Variants in SELENOS observed in about 807,000 individuals in gnomAD.
SELENOS encodes the protein selenoprotein S, also known as VCP interacting membrane selenoprotein.
Under a neutral mutation model 30.2 loss-of-function variants are expected in SELENOS, and 37 were observed. The ratio of observed to expected loss-of-function variants is 1.23; its 90% CI spans 0.94 to 1.61. The LOEUF is 1.61. Ranked by LOEUF, SELENOS falls within the 40% of genes most tolerant of loss-of-function variation. The pLI is 0.00. For synonymous variants in SELENOS, 119 were observed against 91.6 expected (o/e 1.30, Z -1.71); for missense variants, 289 against 231.8 (o/e 1.25, Z -1.60).
intron 1 of SELENOS, chr15:101,276,905 AGTGTGGAGG>A: frequency 1.8e-6 from 1 of 556,378 alleles, no homozygotes; most frequent in South Asian, 2.2e-5. Context: ...GGGCAGTTAG[AGTGTGGAGG>A]GCACAGCAAC....
chr15:101,274,215 G>T, intron 5 of SELENOS: 1 of 637,296 alleles, frequency 1.6e-6, no homozygotes, highest in South Asian at 1.9e-5. Flanking sequence ...GAAGGATCAA[G>T]TTAGAATACT....
chr15:101,272,971 A>C, intron 5 of SELENOS, 115 bp from the exon 6 acceptor site: 1 of 849,282 alleles, frequency 1.2e-6, no homozygotes, highest in Admixed American at 3.0e-5. Flanking sequence ...AAAGATACAG[A>C]TCCTAAGGGA....
chr15:101,272,961 A>T, intron 5 of SELENOS, 105 bp from the exon 6 acceptor site: 1 of 997,402 alleles, frequency 1.0e-6, no homozygotes. Flanking sequence ...AAAGCACTGC[A>T]AAGATACAGA....
intron 5 of SELENOS, among the ~76,000 whole-genome samples, chr15:101,273,317 C>T (rs1052628489): frequency 6.6e-6 from 1 of 152,198 alleles, no homozygotes; most frequent in African/African-American, 2.4e-5. Flanking sequence ...CACCCCACTC[C>T]CTCATGAGCT....
chr15:101,277,225 C>G, intron 1 of SELENOS, 117 bp downstream of exon 1: 1 of 1,493,974 alleles, frequency 6.7e-7, no homozygotes, highest in South Asian at 1.2e-5. Flanking sequence ...CGCCAACGCC[C>G]GACCGTTCCC....
At chr15:101,271,489 T>A (rs1293925583), downstream of SELENOS, 1 of 152,228 alleles carries the variant, frequency 6.6e-6, no homozygotes, top group Non-Finnish European at 1.5e-5. Context: ...ACTCAAAGAC[T>A]TAAGACTATG....
chr15:101,274,229 A>C (rs920130114), intron 5 of SELENOS, 191 bp downstream of exon 5: 7 of 663,272 alleles, frequency 1.1e-5, no homozygotes, highest in Non-Finnish European at 1.8e-5. Context: ...GAATACTATA[A>C]GTACAATCCT....
intron 1 of SELENOS, 135 bp from the exon 2 acceptor site, chr15:101,276,810 G>A (rs1043487344): frequency 9.4e-7 from 1 of 1,059,318 alleles, no homozygotes; most frequent in East Asian, 2.6e-5. Flanking sequence ...AGCCTCCTAA[G>A]TAGATCGTTA....
At chr15:101,272,888 T>C in intron 5 of SELENOS, 32 bp from the exon 6 acceptor site, 2 of 1,570,642 alleles carry the variant, frequency 1.3e-6, no homozygotes, top group Non-Finnish European at 1.7e-6. Context: ...ACAACAGTAT[T>C]GATAAAAATC....
Position 101,277,210 on chromosome 15 carries a change from G to A in SELENOS, c.76+132C>T. On this transcript the variant is annotated intron_variant, in intron 1 of 5. Coordinates refer to ENST00000526049, the MANE Select transcript of SELENOS (RefSeq NM_018445.6). Reference sequence around the variant, plus strand: ...TCCGGGCCTGCTGCCCAAGGTCCGCGTAAGCGCCAACGCCCGACCGTTCCC... The same window carrying A: ...TCCGGGCCTGCTGCCCAAGGTCCGCATAAGCGCCAACGCCCGACCGTTCCC... 5 of 1,444,236 alleles carry A rather than the reference G, an allele frequency of 3.5e-6. No individual in the cohort carries two copies. In the South Asian group the frequency reaches 4.9e-5, roughly 14 times the overall value. The allele number at this position is 1,444,236 out of a possible 1,614,324, so 89.5% of individuals were successfully genotyped here. A position where few individuals can be genotyped will look rare whatever the true frequency, so the allele number is the denominator to read the frequency against.
intron 2 of SELENOS, among the ~76,000 whole-genome samples, chr15:101,275,750 A>C (rs1054604114): frequency 1.3e-5 from 2 of 152,188 alleles, no homozygotes; most frequent in Admixed American, 6.5e-5. Context: ...AAAGTTTTCT[A>C]AATCATTATC....
chr15:101,275,480 A>G (rs2039315616), intron 2 of SELENOS, 119 bp from the exon 3 acceptor site: 1 of 844,368 alleles, frequency 1.2e-6, no homozygotes, highest in Non-Finnish European at 1.7e-6. Flanking sequence ...GAAACAACAT[A>G]TTTTTACATA....
downstream of SELENOS, chr15:101,271,721 A>G (rs563412896): frequency 2.6e-5 from 4 of 152,084 alleles, no homozygotes; most frequent in South Asian, 8.3e-4. Context: ...ATTACCCCCT[A>G]TTCTGAAGGT....
At chr15:101,276,954 C>G (rs537507676) in intron 1 of SELENOS, 1 of 525,952 alleles carries the variant, frequency 1.9e-6, no homozygotes, top group Non-Finnish European at 3.4e-6. Flanking sequence ...AGCAACTAAT[C>G]TGAATCAGGA....
In SELENOS at chr15:101,277,460, C is replaced by A; in HGVS notation, c.-43G>T. ...CCGCCCAGCCCTGCCGCCGCGCCTC[C>A]AGCCGGGCGCTTCCGGTGCGCTCCT... On this transcript the variant is annotated 5_prime_UTR_variant, in exon 1 of 6. Transcript: ENST00000526049. 2.1e-6 allele frequency: 3 copies of A among 1,405,730 alleles called. No homozygotes were observed. The highest frequency in any genetic ancestry group is 2.8e-6 in the Non-Finnish European group (3 of 1,090,132). 87.1% of individuals were successfully genotyped at this position (1,405,730 alleles called of 1,614,324 possible).
At position 101,274,576 on chromosome 15, in the gene SELENOS, C is replaced by T. The variant is rs2291250; in HGVS notation, c.408+16G>A. The T allele has an allele frequency of 4.0e-4, 645 of 1,612,926 alleles. 7 individuals carry two copies. The East Asian group carries it at 9.4e-3, about 23-fold the overall frequency. ...CTTCATCTACCGCATGCCAGCCGGC[C>T]GAGGTCTCCAGTCACCTGGGGCTTC... is the stretch of plus-strand genomic sequence containing the variant. On this transcript the variant is annotated intron_variant, in intron 4 of 5. Coordinates refer to ENST00000526049, the MANE Select transcript of SELENOS (RefSeq NM_018445.6).
rs2039277256 is a variant in SELENOS at position 101,272,390 on chromosome 15, G to A, written c.*381C>T. The A allele has an allele frequency of 5.8e-6, 1 of 172,640 alleles. No individual in the cohort carries two copies. The highest frequency in any genetic ancestry group is 1.2e-5 in the Non-Finnish European group (1 of 80,648). The allele number at this position is 172,640 out of a possible 1,614,324, so 10.7% of individuals were successfully genotyped here. ...AATCCTCACTGGTGGGCTCACCATT[G>A]ATAAGGAAGACATCATTCAACGCAA... is the stretch of plus-strand genomic sequence containing the variant. On this transcript the variant is annotated 3_prime_UTR_variant, in exon 6 of 6. Coordinates refer to ENST00000526049, the MANE Select transcript of SELENOS (RefSeq NM_018445.6).
chr15:101,274,498 GTTT>G lies in SELENOS; in HGVS notation c.409-6_409-4del. On this transcript the variant is annotated splice_region_variant and splice_polypyrimidine_tract_variant and intron_variant, in intron 4 of 5. Transcript: ENST00000526049. ...GAAGGCCCAGGACTGTCTTCCTCCT[GTTT>G]GAACACACACAGTAGTGTAAGAAGC... 6.2e-7 allele frequency: 1 copy of G among 1,608,248 alleles called. No individual in the cohort carries two copies. The highest frequency in any genetic ancestry group is 2.2e-5 in the East Asian group (1 of 44,812).
Position 101,274,741 on chromosome 15 carries a change from A to G in SELENOS, c.319-60T>C. On this transcript the variant is annotated intron_variant, in intron 3 of 5. Transcript: ENST00000526049. ...GAAGCTGCCATTTCTCTCAAAGACAAAGCTAACTCTGATAATTCTTAATTT... is the reference window on the plus strand; with the variant it reads ...GAAGCTGCCATTTCTCTCAAAGACAGAGCTAACTCTGATAATTCTTAATTT... 2.7e-6 allele frequency: 4 copies of G among 1,475,910 alleles called. No individual in the cohort carries two copies. The South Asian group carries it at 5.0e-5, about 18-fold the overall frequency. The allele number at this position is 1,475,910 out of a possible 1,614,324, so 91.4% of individuals were successfully genotyped here.
Sources: gnomAD v4.1 joint callset for allele counts (sites outside exome capture counted in the v4.1 genomes callset) on GRCh38, gnomAD v4.1.1 for gene constraint, MANE v1.5 for transcripts, NCBI Gene and HGNC (gene_info 2026-07-23, HGNC 2026-07-21) for gene names.